Variants in NRXN3 observed in about 807,000 individuals in gnomAD.
The protein encoded by NRXN3 is neurexin III.
A neutral mutation model predicts 137.6 loss-of-function variants in NRXN3; 32 were observed. That is an observed-to-expected ratio of 0.23 (90% CI 0.18 to 0.31). NRXN3 has a LOEUF of 0.31. NRXN3 is among the 10% of genes least tolerant of loss of function. The pLI is 1.00. For missense variants in NRXN3, 1,574 were observed against 2,062.5 expected (o/e 0.76, Z 4.59); for synonymous variants, 798 against 784.5 (o/e 1.02, Z -0.29).
At chr14:78,923,275 AAGAG>A (rs1215443535) in intron 10 of NRXN3, among the ~76,000 whole-genome samples, 1 of 152,204 alleles carries the variant, frequency 6.6e-6, no homozygotes, top group African/African-American at 2.4e-5. Context: ...CAGAAAGAAA[AAGAG>A]AGAGAGAATA....
intron 4 of NRXN3, among the ~76,000 whole-genome samples, chr14:78,356,728 A>C (rs930807025): frequency 6.6e-6 from 1 of 152,240 alleles, no homozygotes; most frequent in Non-Finnish European, 1.5e-5. Context: ...CAAATGGGAC[A>C]TAGTAATTAT....
At chr14:78,688,499 AG>A (rs1417998006) in intron 6 of NRXN3, among the ~76,000 whole-genome samples, 1 of 152,118 alleles carries the variant, frequency 6.6e-6, no homozygotes, top group Non-Finnish European at 1.5e-5. Context: ...GCTAATTTAA[AG>A]GGGGCTGAGA....
chr14:79,589,762 A>T (rs1461062889), intron 16 of NRXN3, among the ~76,000 whole-genome samples: 1 of 152,132 alleles, frequency 6.6e-6, no homozygotes, highest in Non-Finnish European at 1.5e-5. Flanking sequence ...CTCAGGGTTA[A>T]CAACTCATTA....
intron 2 of NRXN3, among the ~76,000 whole-genome samples, 200 bp downstream of exon 2, chr14:78,244,002 T>A (rs2067328601): frequency 6.6e-6 from 1 of 152,164 alleles, no homozygotes; most frequent in Admixed American, 6.5e-5. Context: ...AGTAGAATCC[T>A]GACCCCTGAA....
chr14:78,193,686 T>C (rs148874848), intron 1 of NRXN3, among the ~76,000 whole-genome samples: 2,861 of 146,988 alleles, frequency 0.019, 41 homozygotes, highest in South Asian at 0.062. Context: ...TGCTTGAACC[T>C]GGAAGGTGGA....
intron 15 of NRXN3, among the ~76,000 whole-genome samples, chr14:79,136,359 G>A (rs2058228720): frequency 6.6e-6 from 1 of 152,166 alleles, no homozygotes; most frequent in Non-Finnish European, 1.5e-5. Context: ...AGTGTCCTCT[G>A]CAGACTTTGT....
chr14:79,392,599 A>G (rs965452593), intron 15 of NRXN3, among the ~76,000 whole-genome samples: 1 of 152,176 alleles, frequency 6.6e-6, no homozygotes, highest in Non-Finnish European at 1.5e-5. Flanking sequence ...AAAGCTCATC[A>G]TCATTGGTCG....
chr14:78,481,677 T>C (rs2095475788), intron 4 of NRXN3, among the ~76,000 whole-genome samples: 1 of 152,186 alleles, frequency 6.6e-6, no homozygotes, highest in Non-Finnish European at 1.5e-5. Context: ...GAGAAAGAGC[T>C]AGCAATCTTC....
intron 16 of NRXN3, among the ~76,000 whole-genome samples, chr14:79,569,289 G>T (rs1375534077): frequency 1.3e-5 from 2 of 151,964 alleles, no homozygotes; most frequent in African/African-American, 2.4e-5. Context: ...TGTCTTTGTG[G>T]CTTAGGAGAG....
intron 4 of NRXN3, among the ~76,000 whole-genome samples, chr14:78,541,119 A>G (rs2096585283): frequency 6.6e-6 from 1 of 152,070 alleles, no homozygotes; most frequent in Admixed American, 6.6e-5. Flanking sequence ...CTTGAGGAGT[A>G]TCTTTGTGAT....
chr14:78,453,483 T>C (rs2094600472), intron 4 of NRXN3, among the ~76,000 whole-genome samples: 2 of 152,218 alleles, frequency 1.3e-5, no homozygotes, highest in African/African-American at 4.8e-5. Flanking sequence ...GGAATTAAGT[T>C]AGAACAGGGA....
intron 10 of NRXN3, among the ~76,000 whole-genome samples, chr14:78,924,454 A>G (rs908356391): frequency 3.9e-5 from 6 of 152,212 alleles, no homozygotes; most frequent in African/African-American, 9.6e-5. Context: ...CATAAAATAC[A>G]GACACCAGGA....
intron 6 of NRXN3, among the ~76,000 whole-genome samples, chr14:78,702,939 A>G (rs895560793): frequency 2.6e-5 from 4 of 152,316 alleles, no homozygotes; most frequent in South Asian, 2.1e-4. Flanking sequence ...GTAAGATATT[A>G]TCTACATTCT....
At chr14:78,598,308 G>A (rs1454009538) in intron 4 of NRXN3, among the ~76,000 whole-genome samples, 1 of 152,076 alleles carries the variant, frequency 6.6e-6, no homozygotes, top group Non-Finnish European at 1.5e-5. Context: ...GGGTTCCTGG[G>A]ACACTGACTG....
intron 4 of NRXN3, among the ~76,000 whole-genome samples, chr14:78,545,296 A>C (rs181137408): frequency 6.6e-6 from 1 of 152,264 alleles, no homozygotes; most frequent in Non-Finnish European, 1.5e-5. Flanking sequence ...TTGATTTCAA[A>C]TTTTGTTTCT....
intron 19 of NRXN3, among the ~76,000 whole-genome samples, chr14:79,804,019 A>G (rs895825328): frequency 6.6e-6 from 1 of 150,502 alleles, no homozygotes; most frequent in African/African-American, 2.4e-5. Context: ...ATGTATGTCT[A>G]GGACAGCATC....
chr14:78,738,694 C>A (rs978462492), intron 8 of NRXN3, among the ~76,000 whole-genome samples: 29 of 152,126 alleles, frequency 1.9e-4, no homozygotes, highest in African/African-American at 7.0e-4. Flanking sequence ...TTCTTTTTCC[C>A]CACTATGATT....
intron 19 of NRXN3, among the ~76,000 whole-genome samples, chr14:79,764,061 T>C (rs759830452): frequency 2.0e-5 from 3 of 152,168 alleles, no homozygotes; most frequent in Admixed American, 6.5e-5. Context: ...CTTTTGTAAA[T>C]GTGGCATTGT....
chr14:78,894,920 G>A (rs2099169163), intron 10 of NRXN3, among the ~76,000 whole-genome samples: 1 of 150,592 alleles, frequency 6.6e-6, no homozygotes, highest in Non-Finnish European at 1.5e-5. Context: ...CTTAGCAGTA[G>A]TTCTCAATAG....
Sources: allele counts gnomAD v4.1 joint callset (sites outside exome capture counted in the v4.1 genomes callset), GRCh38; gene constraint gnomAD v4.1.1; transcripts MANE v1.5; gene names NCBI Gene and HGNC (gene_info 2026-07-23, HGNC 2026-07-21).